The following GPRC5C variants were observed in gnomAD, a reference collection of about 807,000 sequenced individuals.
GPRC5C encodes G protein-coupled receptor class C group 5 member C.
A neutral mutation model predicts 31.4 loss-of-function variants in GPRC5C; 22 were observed. The observed-to-expected ratio is 0.70, with a 90% CI of 0.50 to 1.00. The LOEUF (loss-of-function observed/expected upper bound fraction) is 1.00, where lower values mean the gene tolerates loss of function less well. Ranked by LOEUF, GPRC5C falls within the 50% of genes least tolerant of loss-of-function variation. The pLI, the probability that GPRC5C is intolerant of heterozygous loss-of-function variation, is 0.00. For missense variants in GPRC5C, 557 were observed against 597.2 expected (o/e 0.93, Z 0.70); for synonymous variants, 249 against 257.5 (o/e 0.97, Z 0.32).
Position 74,443,873 on chromosome 17 carries a change from G to A in GPRC5C, c.1107G>A (p.Val369=). ...SGYNGQLLTS[V]YQPTEMALMH... is the part of the protein sequence containing the mutation. Reference sequence around the variant, plus strand: ...ACAATGGGCAGCTGCTGACCAGTGTGTACCAGCCCACTGAGATGGCCCTGA... The same window carrying A: ...ACAATGGGCAGCTGCTGACCAGTGTATACCAGCCCACTGAGATGGCCCTGA... Residue 369 remains valine (V), a synonymous_variant, in exon 3 of 4, where the codon GTG becomes GTA. Transcript: ENST00000392627. 1.9e-6 allele frequency: 3 copies of A among 1,613,502 alleles called. No homozygotes were observed. The highest frequency in any genetic ancestry group is 1.7e-6 in the Non-Finnish European group (2 of 1,179,500).
intron 1 of GPRC5C, among the ~76,000 whole-genome samples, chr17:74,432,926 C>T (rs772883854): frequency 6.6e-6 from 1 of 151,920 alleles, no homozygotes; most frequent in Non-Finnish European, 1.5e-5. Flanking sequence ...TTCCAGCCAC[C>T]CAGGGAGCGC....
chr17:74,433,878 A>C, intron 1 of GPRC5C: 4 of 826,950 alleles, frequency 4.8e-6, no homozygotes, highest in Non-Finnish European at 8.6e-6. Flanking sequence ...GGAGCGAGGA[A>C]GGGAGTTTTG....
rs576090227 is a variant in GPRC5C at position 74,446,658 on chromosome 17, G to A, written c.1147-191G>A. The A allele has an allele frequency of 1.0e-5, 6 of 574,742 alleles. No homozygotes were observed. In the East Asian group the frequency reaches 1.7e-4, roughly 17 times the overall value. 35.6% of individuals were successfully genotyped at this position (574,742 alleles called of 1,614,324 possible). A position where few individuals can be genotyped will look rare whatever the true frequency, so the allele number is the denominator to read the frequency against. On this transcript the variant is annotated intron_variant, in intron 3 of 3. Transcript: ENST00000392627. ...GGCCTCGTTCCCATGCCCAGAGGCA[G>A]GGTGAGATAAGGGGCTCAGGTCTGG...
At chr17:74,436,071 C>T (rs570790796) in intron 1 of GPRC5C, among the ~76,000 whole-genome samples, 1 of 152,322 alleles carries the variant, frequency 6.6e-6, no homozygotes, top group East Asian at 1.9e-4. Flanking sequence ...GGCTATGCCC[C>T]CATGATGCTA....
intron 1 of GPRC5C, among the ~76,000 whole-genome samples, chr17:74,438,006 A>G (rs2055459361): frequency 6.6e-6 from 1 of 151,602 alleles, no homozygotes; most frequent in Non-Finnish European, 1.5e-5. Context: ...TGTTTCTTTA[A>G]GCATTTAAAT....
chr17:74,437,997 G>C (rs73348391), intron 1 of GPRC5C, among the ~76,000 whole-genome samples: 10,704 of 151,516 alleles, frequency 0.071, 1,134 homozygotes, highest in African/African-American at 0.23. Context: ...CGTATAACCT[G>C]TTTCTTTAAG....
At chr17:74,449,357 C>A (rs555501570), downstream of GPRC5C, 550 of 1,302,012 alleles carry the variant, frequency 4.2e-4, 2 homozygotes, top group African/African-American at 8.0e-3. Flanking sequence ...CAAAGTAAAA[C>A]GAGATGGTAG....
intron 3 of GPRC5C, 53 bp downstream of exon 3, chr17:74,443,965 T>A (rs1053957332): frequency 1.6e-6 from 2 of 1,257,470 alleles, no homozygotes; most frequent in African/African-American, 3.0e-5. Flanking sequence ...GAGACCAGCC[T>A]CAGCAGGCCA....
Position 74,433,728 on chromosome 17 carries a change from A to C in GPRC5C, c.-33+1587A>C, listed in dbSNP as rs774787202. ...CCTCCCTGAAGAGTGCCCTGGTCAC[A>C]GCACCCTTGAAGACAGCCATTGGCC... On this transcript the variant is annotated intron_variant, in intron 1 of 3. Coordinates refer to ENST00000392627, the MANE Select transcript of GPRC5C (RefSeq NM_022036.4). 5.6e-6 allele frequency: 9 copies of C among 1,613,764 alleles called. No homozygotes were observed. The South Asian group carries it at 6.6e-5, about 12-fold the overall frequency.
In GPRC5C at chr17:74,445,987, C is replaced by CG. The variant is rs1180356054; in HGVS notation, c.1147-862_1147-861insG. 51 of 15,802 alleles carry CG rather than the reference C, an allele frequency of 3.2e-3. 6 individuals carry two copies. Among genetic ancestry groups the CG allele is most frequent in the Non-Finnish European group, 9.4e-3 (31 of 3,310 alleles). The allele number at this position is 15,802 out of a possible 1,614,324, so 1.0% of individuals were successfully genotyped here. ...CAGCCCTGGCAACGTAGTGAGACCC[C>CG]CCCCCCCCGCCCACCATCTCTACAA... is the stretch of plus-strand genomic sequence containing the variant. On this transcript the variant is annotated intron_variant, in intron 3 of 3. Transcript: ENST00000392627.
At position 74,440,455 on chromosome 17, in the gene GPRC5C, GC is replaced by G; in HGVS notation, c.681del (p.Trp228GlyfsTer76). On this transcript the variant is annotated frameshift_variant, in exon 2 of 4. Coordinates refer to ENST00000392627, the MANE Select transcript of GPRC5C (RefSeq NM_022036.4). LOFTEE classifies it high-confidence loss of function. This position sits in a 1 kb window ranked among gnomAD's most constrained non-coding sequence, Gnocchi z 4.4. ...MLLLLGAFLGAWPALCGRYKR... is the reference protein window; with the variant it reads ...MLLLLGAFLGXWPALCGRYKR... The stretch of plus-strand genomic sequence containing the variant: ...GCTGCTGCTGGGTGCCTTCCTGGGG[GC>G]CTGGCCCGCCCTGTGTGGCCGCTAC... 6.2e-7 allele frequency: 1 copy of G among 1,614,062 alleles called. No homozygotes were observed. The highest frequency in any genetic ancestry group is 1.7e-5 in the Admixed American group (1 of 60,028).
intron 1 of GPRC5C, among the ~76,000 whole-genome samples, chr17:74,435,534 T>C (rs1382540904): frequency 6.6e-6 from 1 of 151,864 alleles, no homozygotes; most frequent in Non-Finnish European, 1.5e-5. Flanking sequence ...GCATGGTACC[T>C]GGATGCGGTG....
rs1426467297 is a variant in GPRC5C, at chr17:74,440,730, C to A, written c.954C>A (p.Pro318=). The A allele has an allele frequency of 8.2e-6, 13 of 1,594,692 alleles. No individual in the cohort carries two copies. The highest frequency in any genetic ancestry group is 6.8e-5 in the Admixed American group (4 of 58,458). ...PEQSYQGDMY[P]TRGVGYETIL... ...AAAGCTACCAGGGGGACATGTACCC[C>A]ACCCGGGGCGTGGGCTATGAGACCA... Residue 318 remains proline, a synonymous_variant, in exon 2 of 4, where the codon CCC becomes CCA. Transcript: ENST00000392627. This position sits in a 1 kb window ranked among gnomAD's most constrained non-coding sequence, Gnocchi z 4.4.
At chr17:74,433,714 A>G in intron 1 of GPRC5C, 1 of 1,613,512 alleles carries the variant, frequency 6.2e-7, no homozygotes, top group Non-Finnish European at 8.5e-7. Flanking sequence ...CTCCCTGAAG[A>G]GTGCCCTGGT....
In GPRC5C at chr17:74,440,413, C is replaced by T. The variant is rs755928146; in HGVS notation, c.637C>T (p.Leu213Phe). The change falls in exon 2 of 4, where the codon CTC becomes TTC. Residue 213 changes from leucine to phenylalanine, a missense_variant. Physicochemically the swap from Leu to Phe is conservative, Grantham distance 22 (BLOSUM62 0). Transcript: ENST00000392627. The surrounding 1 kb of genome is among the most constrained non-coding windows in gnomAD (Gnocchi z 4.4). Reference sequence around the variant, plus strand: ...CGCCAACATGGACTTTGTCATGGCACTCATCTACGTCATGCTGCTGCTGCT... The same window carrying T: ...CGCCAACATGGACTTTGTCATGGCATTCATCTACGTCATGCTGCTGCTGCT... ...AIANMDFVMA[L>F]IYVMLLLLGA... is the part of the protein sequence containing the mutation. 1 of 1,614,070 alleles carries T rather than the reference C, an allele frequency of 6.2e-7. No homozygotes were observed. Among genetic ancestry groups the T allele is most frequent in the Admixed American group, 1.7e-5 (1 of 60,026 alleles).
chr17:74,449,233 T>C (rs1299393165), downstream of GPRC5C: 1 of 533,878 alleles, frequency 1.9e-6, no homozygotes, highest in Non-Finnish European at 3.3e-6. Flanking sequence ...TCAGATTGCA[T>C]TAGCCTCCTG....
intron 1 of GPRC5C, among the ~76,000 whole-genome samples, chr17:74,434,650 C>T (rs1375497578): frequency 6.6e-6 from 1 of 152,194 alleles, no homozygotes. Context: ...GGGCCGGGAA[C>T]GGTGGCTCAC....
chr17:74,439,624 GAGAGC>G, intron 1 of GPRC5C, 116 bp from the exon 2 acceptor site: 3 of 899,572 alleles, frequency 3.3e-6, no homozygotes, highest in African/African-American at 3.3e-5. Flanking sequence ...CTGAGGTCCA[GAGAGC>G]CTCACGGTCA....
Position 74,445,993 on chromosome 17 carries a change from C to CG in GPRC5C, c.1147-856_1147-855insG, listed in dbSNP as rs1555634016. 1.8e-3 allele frequency: 163 copies of CG among 92,540 alleles called. 11 individuals carry two copies. The highest frequency in any genetic ancestry group is 0.01 in the African/African-American group (154 of 14,760). The allele number at this position is 92,540 out of a possible 1,614,324, so 5.7% of individuals were successfully genotyped here. On this transcript the variant is annotated intron_variant, in intron 3 of 3. Transcript: ENST00000392627. ...TGGCAACGTAGTGAGACCCCCCCCC[C>CG]CCGCCCACCATCTCTACAAAAAAAA...
Sources: allele counts gnomAD v4.1 joint callset (sites outside exome capture counted in the v4.1 genomes callset), GRCh38; gene constraint gnomAD v4.1.1; non-coding constraint Gnocchi (gnomAD v3.1); transcripts MANE v1.5; gene names NCBI Gene and HGNC (gene_info 2026-07-23, HGNC 2026-07-21).